Variants in KCNU1 observed in about 807,000 individuals in gnomAD.
The protein encoded by KCNU1 is potassium calcium-activated channel subfamily U member 1.
Under a neutral mutation model 126.8 loss-of-function variants are expected in KCNU1, and 93 were observed. That is an observed-to-expected ratio of 0.73 (90% CI 0.62 to 0.87). The LOEUF is 0.87. Ranked by LOEUF, KCNU1 falls within the 40% of genes least tolerant of loss-of-function variation. The pLI is 0.00. For missense variants in KCNU1, 1,330 were observed against 1,367.1 expected, an observed-to-expected ratio of 0.97 and a Z score of 0.43; for synonymous variants, 523 against 494.2, an observed-to-expected ratio of 1.06 and a Z score of -0.77.
chr8:36,786,840 C>T (rs1033933507), intron 1 of KCNU1, among the ~76,000 whole-genome samples: 4 of 152,222 alleles, frequency 2.6e-5, no homozygotes, highest in Admixed American at 1.3e-4. Flanking sequence ...AGGCAAAAAA[C>T]TAAGAGCAAC....
At chr8:36,877,348 G>A (rs796576910) in intron 19 of KCNU1, among the ~76,000 whole-genome samples, 2 of 151,242 alleles carry the variant, frequency 1.3e-5, no homozygotes, top group African/African-American at 2.4e-5. Context: ...TGTCGCCCAG[G>A]CTAGAGTGCA....
At chr8:36,922,694 A>G (rs2117588538) in intron 24 of KCNU1, 65 bp downstream of exon 24, 1 of 1,521,336 alleles carries the variant, frequency 6.6e-7, no homozygotes, top group Non-Finnish European at 8.9e-7. Context: ...AACAGGTAGT[A>G]TAAGGCTGAG....
chr8:36,818,149 G>A (rs1293549614), intron 10 of KCNU1, among the ~76,000 whole-genome samples: 1 of 152,150 alleles, frequency 6.6e-6, no homozygotes, highest in Non-Finnish European at 1.5e-5. Flanking sequence ...TGCTGTTGTT[G>A]TTCTGTGCAG....
At position 36,909,350 on chromosome 8, in the gene KCNU1, A is replaced by G; in HGVS notation, c.2146A>G (p.Ile716Val). The G allele has an allele frequency of 1.2e-6, 2 of 1,613,636 alleles. No individual in the cohort carries two copies. Among genetic ancestry groups the G allele is most frequent in the Non-Finnish European group, 1.7e-6 (2 of 1,179,602 alleles). Residue 716 changes from isoleucine (I) to valine (V), a missense_variant, in exon 21 of 27, where the codon ATT becomes GTT. Around this residue, in one of 3 missense-constraint regions of KCNU1, gnomAD observed 1,054 missense variants for 1,053.9 expected, o/e 1.00. Transcript: ENST00000399881. ...GKSKYKFRNH[I>V]VACVFGDAHS... is the part of the protein sequence containing the mutation. ...GTCAAAGTATAAGTTTCGGAACCAT[A>G]TTGTAGCATGTGTATTTGGAGATGC...
intron 19 of KCNU1, among the ~76,000 whole-genome samples, chr8:36,903,802 T>C (rs185930241): frequency 6.6e-5 from 10 of 152,188 alleles, no homozygotes; most frequent in Non-Finnish European, 1.3e-4. Context: ...ACCATCGTGG[T>C]GGAAGGGGAA....
intron 25 of KCNU1, among the ~76,000 whole-genome samples, chr8:36,932,086 T>C (rs1808719157): frequency 6.6e-6 from 1 of 152,128 alleles, no homozygotes; most frequent in Non-Finnish European, 1.5e-5. Flanking sequence ...TAGAACAGTA[T>C]ACCTGGTGCA....
chr8:36,807,487 G>A (rs758688689), intron 6 of KCNU1, 37 bp downstream of exon 6: 1 of 1,433,938 alleles, frequency 7.0e-7, no homozygotes, highest in Non-Finnish European at 9.8e-7. Flanking sequence ...TTACTTATTA[G>A]TTTGGATTAG....
At chr8:36,930,434 C>T (rs1020382126) in intron 24 of KCNU1, among the ~76,000 whole-genome samples, 4 of 152,080 alleles carry the variant, frequency 2.6e-5, no homozygotes, top group East Asian at 1.9e-4. Flanking sequence ...AATCCAAATA[C>T]TAATAAGACC....
At chr8:36,815,493 C>G in intron 8 of KCNU1, 103 bp from the exon 9 acceptor site, 1 of 570,142 alleles carries the variant, frequency 1.8e-6, no homozygotes, top group Non-Finnish European at 3.1e-6. Flanking sequence ...TCTTAGATGA[C>G]AGAAAGTTTT....
chr8:36,872,294 T>A (rs375704652), intron 19 of KCNU1, among the ~76,000 whole-genome samples: 4 of 152,238 alleles, frequency 2.6e-5, no homozygotes, highest in African/African-American at 9.6e-5. Context: ...TGTCAACGTA[T>A]AGGGGAGGTA....
intron 2 of KCNU1, among the ~76,000 whole-genome samples, chr8:36,797,063 C>G (rs1803126002): frequency 1.3e-5 from 2 of 152,140 alleles, no homozygotes; most frequent in African/African-American, 4.8e-5. Context: ...ACCAGAGAGG[C>G]AGAACTACAT....
intron 10 of KCNU1, among the ~76,000 whole-genome samples, chr8:36,829,136 TA>T (rs1390649550): frequency 2.6e-5 from 4 of 152,080 alleles, no homozygotes; most frequent in Non-Finnish European, 5.9e-5. Flanking sequence ...TTTTGTTATT[TA>T]ATTTTAGGGA....
intron 16 of KCNU1, among the ~76,000 whole-genome samples, chr8:36,844,734 T>C (rs1805080785): frequency 6.6e-6 from 1 of 152,206 alleles, no homozygotes; most frequent in African/African-American, 2.4e-5. Context: ...TCATCTCATT[T>C]CGATGTGAAT....
In KCNU1 at chr8:36,864,480, G is replaced by T. The variant is rs372023784; in HGVS notation, c.1968G>T (p.Arg656Ser). Residue 656 changes from arginine to serine, a missense_variant, in exon 19 of 27, where the codon AGG becomes AGT. By Grantham distance (110) the Arg-to-Ser change is moderately radical (BLOSUM62 -1). Transcript: ENST00000399881. ...SRISGQDSPP[R>S]VSASTSSISN... ...TATCAGGGCAGGATTCTCCGCCAAGGGTATCTGCAAGCACTTCGAGCATAT... is the reference window on the plus strand; with the variant it reads ...TATCAGGGCAGGATTCTCCGCCAAGTGTATCTGCAAGCACTTCGAGCATAT... 5.8e-5 allele frequency: 94 copies of T among 1,612,798 alleles called. No individual in the cohort carries two copies. The highest frequency in any genetic ancestry group is 1.6e-4 in the Middle Eastern group (1 of 6,076).
chr8:36,886,476 G>A (rs528726244), intron 19 of KCNU1, among the ~76,000 whole-genome samples: 1 of 152,224 alleles, frequency 6.6e-6, no homozygotes, highest in East Asian at 1.9e-4. Context: ...CCCACAAGCC[G>A]GGAAGTGTGC....
chr8:36,806,658 G>C (rs759598076), intron 5 of KCNU1, among the ~76,000 whole-genome samples: 1 of 152,132 alleles, frequency 6.6e-6, no homozygotes, highest in South Asian at 2.1e-4. Context: ...TCCCCTGGTA[G>C]CACCTTTATG....
chr8:36,849,996 T>A (rs566686726), intron 18 of KCNU1, among the ~76,000 whole-genome samples: 1 of 152,342 alleles, frequency 6.6e-6, no homozygotes, highest in African/African-American at 2.4e-5. Context: ...TTACTTTTCA[T>A]TTATAAAAAT....
At chr8:36,844,721 A>G (rs567502430) in intron 16 of KCNU1, among the ~76,000 whole-genome samples, 1 of 152,314 alleles carries the variant, frequency 6.6e-6, no homozygotes, top group South Asian at 2.1e-4. Flanking sequence ...CAGAATTAAA[A>G]CTTCATCTCA....
chr8:36,919,605 C>G (rs10955004), intron 23 of KCNU1, among the ~76,000 whole-genome samples: 6 of 151,858 alleles, frequency 4.0e-5, no homozygotes, highest in African/African-American at 1.4e-4. Context: ...CACCAGGGGA[C>G]GCATTGCGTC....
Sources: gnomAD v4.1 joint callset for allele counts (sites outside exome capture counted in the v4.1 genomes callset) on GRCh38, gnomAD v4.1.1 for gene constraint, gnomAD v4.1.1 regional missense constraint, MANE v1.5 for transcripts, NCBI Gene and HGNC (gene_info 2026-07-23, HGNC 2026-07-21) for gene names.